GRID2: variants seen among roughly 807,000 people sequenced by gnomAD.
GRID2 encodes the protein glutamate receptor ionotropic, delta-2.
A neutral mutation model predicts 114.8 loss-of-function variants in GRID2; 33 were observed. That is an observed-to-expected ratio of 0.29 (90% CI 0.22 to 0.38). GRID2 has a LOEUF of 0.38. Ranked by LOEUF, GRID2 falls within the 10% of genes least tolerant of loss-of-function variation. GRID2 has a pLI of 1.00. For missense variants in GRID2, 1,184 were observed against 1,257.7 expected (o/e 0.94, Z 0.89); for synonymous variants, 505 against 449.9 (o/e 1.12, Z -1.55).
intron 12 of GRID2, among the ~76,000 whole-genome samples, chr4:93,499,668 A>G (rs920973721): frequency 6.6e-6 from 1 of 151,912 alleles, no homozygotes; most frequent in Non-Finnish European, 1.5e-5. Flanking sequence ...TAAGTTCTTC[A>G]AAAGCAAAGA....
chr4:93,357,122 T>C (rs1314284113), intron 8 of GRID2, among the ~76,000 whole-genome samples: 2 of 151,658 alleles, frequency 1.3e-5, no homozygotes, highest in Non-Finnish European at 3.0e-5. Context: ...TAAGTAATCA[T>C]TTTCCCTCTT....
At chr4:92,740,719 GATA>G (rs1736844815) in intron 2 of GRID2, among the ~76,000 whole-genome samples, 1 of 145,682 alleles carries the variant, frequency 6.9e-6, no homozygotes, top group Non-Finnish European at 1.5e-5. Flanking sequence ...TAGATAGATA[GATA>G]GATAGATAGA....
chr4:92,569,513 G>T (rs759361263), intron 1 of GRID2, among the ~76,000 whole-genome samples: 4 of 151,990 alleles, frequency 2.6e-5, no homozygotes, highest in Non-Finnish European at 5.9e-5. Flanking sequence ...GGGTTAAATG[G>T]TATTTCTGTC....
chr4:92,934,002 G>A (rs1750441875), intron 2 of GRID2, among the ~76,000 whole-genome samples: 1 of 151,576 alleles, frequency 6.6e-6, no homozygotes, highest in Non-Finnish European at 1.5e-5. Context: ...ATAAAAGATT[G>A]CAAGTATACA....
At chr4:92,843,884 T>C (rs1743098437) in intron 2 of GRID2, among the ~76,000 whole-genome samples, 1 of 152,166 alleles carries the variant, frequency 6.6e-6, no homozygotes, top group African/African-American at 2.4e-5. Context: ...AGGTCTACTG[T>C]GCTCTTTGAA....
At chr4:93,579,526 C>T (rs1736757759) in intron 13 of GRID2, among the ~76,000 whole-genome samples, 1 of 152,042 alleles carries the variant, frequency 6.6e-6, no homozygotes, top group Non-Finnish European at 1.5e-5. Flanking sequence ...TCCTCTTACC[C>T]TCATGCAAAA....
At chr4:93,380,434 G>A (rs559816016) in intron 8 of GRID2, among the ~76,000 whole-genome samples, 68 of 150,680 alleles carry the variant, frequency 4.5e-4, no homozygotes, top group African/African-American at 1.5e-3. Context: ...AGATGACTTT[G>A]GGGCAGTTTG....
intron 8 of GRID2, among the ~76,000 whole-genome samples, chr4:93,342,360 CATTTCCCAGGGCTATGT>C (rs1320761790): frequency 6.6e-6 from 1 of 152,142 alleles, no homozygotes; most frequent in East Asian, 1.9e-4. Context: ...CTCTCTTCTG[CATTTCCCAGGGCTATGT>C]ATTTCCCAGG....
At chr4:92,743,778 A>C (rs934113613) in intron 2 of GRID2, among the ~76,000 whole-genome samples, 50 of 152,290 alleles carry the variant, frequency 3.3e-4, no homozygotes, top group African/African-American at 1.2e-3. Flanking sequence ...CTTGTATCTC[A>C]TCTGCTATTC....
intron 10 of GRID2, among the ~76,000 whole-genome samples, chr4:93,425,773 C>T (rs902480179): frequency 1.2e-4 from 18 of 152,142 alleles, no homozygotes; most frequent in African/African-American, 3.6e-4. Flanking sequence ...GACTGACTTT[C>T]TACTTGAGCT....
intron 1 of GRID2, among the ~76,000 whole-genome samples, chr4:93,789,571 C>G (rs1421114833): frequency 6.6e-6 from 1 of 152,212 alleles, no homozygotes. Context: ...TGGTGCCACA[C>G]TTTTCCTTTT....
chr4:93,513,497 C>T (rs895292771), intron 12 of GRID2, among the ~76,000 whole-genome samples: 1 of 152,162 alleles, frequency 6.6e-6, no homozygotes, highest in African/African-American at 2.4e-5. Context: ...GCTACATACT[C>T]ATTTTACTCT....
At chr4:92,602,398 C>T (rs1230858727) in intron 2 of GRID2, among the ~76,000 whole-genome samples, 9 of 152,066 alleles carry the variant, frequency 5.9e-5, no homozygotes, top group Non-Finnish European at 1.5e-5. Context: ...GCTGTTTCAA[C>T]ATACACAAAT....
chr4:93,196,046 A>G (rs1741454704), intron 4 of GRID2, among the ~76,000 whole-genome samples: 1 of 152,184 alleles, frequency 6.6e-6, no homozygotes, highest in Admixed American at 6.6e-5. Context: ...ACACAGTTCG[A>G]ACACCGTAAG....
chr4:92,959,115 T>TG (rs567854020), intron 2 of GRID2, among the ~76,000 whole-genome samples: 1 of 151,406 alleles, frequency 6.6e-6, no homozygotes, highest in Non-Finnish European at 1.5e-5. Context: ...TATTGATTTT[T>TG]TTTTTTTTTC....
intron 2 of GRID2, among the ~76,000 whole-genome samples, chr4:92,977,281 A>G (rs1439842777): frequency 6.6e-6 from 1 of 152,202 alleles, no homozygotes; most frequent in Non-Finnish European, 1.5e-5. Flanking sequence ...AGGAGATGAC[A>G]TTTGATGGGA....
intron 2 of GRID2, among the ~76,000 whole-genome samples, chr4:92,654,664 A>G (rs1254797567): frequency 2.0e-5 from 3 of 151,794 alleles, no homozygotes; most frequent in South Asian, 2.1e-4. Context: ...ATGATTAACA[A>G]TGTTAAGCAT....
intron 1 of GRID2, among the ~76,000 whole-genome samples, chr4:92,516,004 T>C (rs753185872): frequency 6.6e-6 from 1 of 151,948 alleles, no homozygotes; most frequent in Non-Finnish European, 1.5e-5. Context: ...TTAAACCATG[T>C]TACTTTATGT....
intron 1 of GRID2, among the ~76,000 whole-genome samples, chr4:92,415,036 T>C (rs1163624415): frequency 6.6e-6 from 1 of 152,016 alleles, no homozygotes; most frequent in Non-Finnish European, 1.5e-5. Flanking sequence ...ATTTTGTTTT[T>C]GAAAAAGAAC....
Sources: gnomAD v4.1 joint callset for allele counts (sites outside exome capture counted in the v4.1 genomes callset) on GRCh38, gnomAD v4.1.1 for gene constraint, MANE v1.5 for transcripts, NCBI Gene and HGNC (gene_info 2026-07-23, HGNC 2026-07-21) for gene names.